The following CFAP74 variants were observed in gnomAD, a reference collection of about 807,000 sequenced individuals.
CFAP74 encodes the protein cilia and flagella associated protein 74, also known as cilia- and flagella-associated protein 74.
Under a neutral mutation model 188.9 loss-of-function variants are expected in CFAP74, and 124 were observed. The observed-to-expected ratio is 0.66, with a 90% CI of 0.57 to 0.76. The LOEUF is 0.76. CFAP74 is among the 30% of genes least tolerant of loss of function. CFAP74 has a pLI of 0.00. For synonymous variants in CFAP74, 956 were observed against 916.7 expected, an observed-to-expected ratio of 1.04 and a Z score of -0.77; for missense variants, 2,198 against 2,165.2, an observed-to-expected ratio of 1.02 and a Z score of -0.30.
At chr1:1,999,653 C>T (rs997229130) in intron 1 of CFAP74, among the ~76,000 whole-genome samples, 1 of 151,598 alleles carries the variant, frequency 6.6e-6, no homozygotes, top group African/African-American at 2.4e-5. Context: ...CCCGTCTCTA[C>T]AAAAAATACA....
rs1374397153 is a variant in CFAP74 at position 1,959,152 on chromosome 1, C to T, written c.1819G>A (p.Val607Ile). 1.2e-6 allele frequency: 2 copies of T among 1,613,240 alleles called. No homozygotes were observed. The highest frequency in any genetic ancestry group is 2.7e-5 in the African/African-American group (2 of 74,898). The change falls in exon 16 of 39, where the codon GTT becomes ATT. Residue 607 changes from valine to isoleucine, a missense_variant. Physicochemically the swap from Val to Ile is conservative, Grantham distance 29. Coordinates refer to ENST00000682832, the MANE Select transcript of CFAP74 (RefSeq NM_001304360.2). ...SFLAQTGEFS[V>I]PLKCSTKKCS... ...TTCTTTGTTGAACATTTCAGTGGAA[C>T]TGAAAACTCGCCCGTCTGAGCCAAA...
chr1:1,964,054 G>T (rs1418044259), intron 13 of CFAP74, among the ~76,000 whole-genome samples, 187 bp from the exon 14 acceptor site: 2 of 152,220 alleles, frequency 1.3e-5, no homozygotes. Context: ...GGACAGGTCT[G>T]GGGGTGGAAC....
At position 1,927,730 on chromosome 1, in the gene CFAP74, G is replaced by C; in HGVS notation, c.3404C>G (p.Ala1135Gly). 6.5e-7 allele frequency: 1 copy of C among 1,550,014 alleles called. No individual in the cohort carries two copies. Among genetic ancestry groups the C allele is most frequent in the Non-Finnish European group, 8.7e-7 (1 of 1,146,722 alleles). ...TCCATGCAGGTCCTTCCTCTGGGGG[G>C]CCATATTCTTTCGGAACTGTGGGGG... ...METKSFRKNM[A>G]PQRKDLHGLS... is the part of the protein sequence containing the mutation. The change falls in exon 28 of 39, where the codon GCC (alanine) becomes GGC (glycine). Residue 1135 changes from alanine to glycine, a missense_variant. Ala to Gly is a moderately conservative substitution (Grantham distance 60). Transcript: ENST00000682832.
intron 18 of CFAP74, chr1:1,955,139 A>C (rs770563802): frequency 9.8e-6 from 12 of 1,225,502 alleles, no homozygotes; most frequent in Non-Finnish European, 1.3e-5. Context: ...GGGCGTGCGG[A>C]ACGCGCACCA....
At chr1:1,992,535 G>A (rs34136289) in intron 1 of CFAP74, among the ~76,000 whole-genome samples, 10,635 of 151,302 alleles carry the variant, frequency 0.07, 880 homozygotes, top group African/African-American at 0.19. Flanking sequence ...GTGCAGTGGC[G>A]GGATCTTGGC....
chr1:1,932,092 A>AAAAC (rs1436755395), intron 25 of CFAP74, among the ~76,000 whole-genome samples: 1 of 140,866 alleles, frequency 7.1e-6, no homozygotes, highest in Admixed American at 7.3e-5. Flanking sequence ...AAAAACAAAA[A>AAAAC]ACAAAAAACT....
In CFAP74 at chr1:1,973,091, G is replaced by A. The variant is rs1246990478; in HGVS notation, c.675-44C>T. 16 of 1,410,632 alleles carry A rather than the reference G, an allele frequency of 1.1e-5. No individual in the cohort carries two copies. The highest frequency in any genetic ancestry group is 4.7e-5 in the South Asian group (4 of 84,636). The allele number at this position is 1,410,632 out of a possible 1,614,324, so 87.4% of individuals were successfully genotyped here. A position where few individuals can be genotyped will look rare whatever the true frequency, so the allele number is the denominator to read the frequency against. ...GTCAGAGGGAAACTCGGCATCACAC[G>A]TCCCATCTGCCCCCAAGCCCTGCAC... is the stretch of plus-strand genomic sequence containing the variant. On this transcript the variant is annotated intron_variant, in intron 7 of 38. Coordinates refer to ENST00000682832, the MANE Select transcript of CFAP74 (RefSeq NM_001304360.2). This position sits in a 1 kb window ranked among gnomAD's most constrained non-coding sequence, Gnocchi z 6.2.
intron 25 of CFAP74, among the ~76,000 whole-genome samples, chr1:1,932,312 G>A (rs1256720129): frequency 6.6e-6 from 1 of 150,914 alleles, no homozygotes; most frequent in African/African-American, 2.4e-5. Flanking sequence ...CAGGAGAATG[G>A]CGTGAACCCA....
At chr1:1,986,867 T>C in intron 5 of CFAP74, 70 bp downstream of exon 5, 2 of 1,338,816 alleles carry the variant, frequency 1.5e-6, no homozygotes, top group Admixed American at 3.5e-5. Context: ...CGCCTCACTT[T>C]GGGTGAACCA....
At chr1:1,940,543 C>T in intron 22 of CFAP74, 140 bp from the exon 23 acceptor site, 1 of 612,352 alleles carries the variant, frequency 1.6e-6, no homozygotes, top group South Asian at 2.1e-5. Flanking sequence ...ACGCATCGCG[C>T]CGCCCTCCTG....
At chr1:1,959,066 G>A (rs1010892272) in intron 16 of CFAP74, 54 bp downstream of exon 16, 76 of 1,292,278 alleles carry the variant, frequency 5.9e-5, no homozygotes, top group Middle Eastern at 5.5e-4. Flanking sequence ...CCCCCACTGG[G>A]GTTCCCAGCC....
chr1:1,948,412 A>AAT lies in CFAP74; in HGVS notation c.2177-1360_2177-1359dup, dbSNP rs56005703. Among the ~76,000 whole-genome samples, 145 of 144,302 alleles carry AAT rather than the reference A, an allele frequency of 1.0e-3. 2 individuals carry two copies. Among genetic ancestry groups the AAT allele is most frequent in the South Asian group, 7.5e-3 (35 of 4,660 alleles). The allele number at this position is 144,302 out of a possible 152,430, so 94.7% of individuals were successfully genotyped here. A position where few individuals can be genotyped will look rare whatever the true frequency, so the allele number is the denominator to read the frequency against. On this transcript the variant is annotated intron_variant, in intron 18 of 38. Coordinates refer to ENST00000682832, the MANE Select transcript of CFAP74 (RefSeq NM_001304360.2). Reference sequence around the variant, plus strand: ...CATGCAGCCATGCTTGGCATATATAAATATATATATATATATTTATGTGTA... The same window carrying AAT: ...CATGCAGCCATGCTTGGCATATATAAATATATATATATATATATTTATGTGTA...
In CFAP74 at chr1:1,926,090, C is replaced by T. The variant is rs1450719602; in HGVS notation, c.3948+138G>A. 3 of 1,413,610 alleles carry T rather than the reference C, an allele frequency of 2.1e-6. No homozygotes were observed. The East Asian group carries it at 7.5e-5, about 35-fold the overall frequency. 87.6% of individuals were successfully genotyped at this position (1,413,610 alleles called of 1,614,324 possible). On this transcript the variant is annotated intron_variant, in intron 32 of 38. Transcript: ENST00000682832. ...GCTCACTTGGCGGCTGGTGTGAGGG[C>T]CTGGGGGCCAGGCTGCTCGCAGACC...
chr1:1,967,551 G>T (rs1346912278), intron 11 of CFAP74, among the ~76,000 whole-genome samples: 3 of 152,122 alleles, frequency 2.0e-5, no homozygotes, highest in African/African-American at 7.2e-5. Context: ...GTGAGGGGTG[G>T]ATGGGGCAAA....
chr1:1,982,685 C>T (rs35662093), intron 6 of CFAP74, among the ~76,000 whole-genome samples: 8,696 of 152,308 alleles, frequency 0.057, 372 homozygotes, highest in South Asian at 0.16. Flanking sequence ...CGGCAGCAGC[C>T]GGGCCCACAG....
intron 2 of CFAP74, among the ~76,000 whole-genome samples, chr1:1,990,156 A>G (rs1657485385): frequency 6.6e-6 from 1 of 152,224 alleles, no homozygotes; most frequent in African/African-American, 2.4e-5. Flanking sequence ...AAGTATGGAA[A>G]GATACAGGCA....
chr1:1,969,751 G>A lies in CFAP74; in HGVS notation c.1046+908C>T, dbSNP rs984415941. Reference sequence around the variant, plus strand: ...TGATGGGTGGTGGAGAACTCTGATCGTGACTCAGGGGGGTGGGGAGGACGC... The same window carrying A: ...TGATGGGTGGTGGAGAACTCTGATCATGACTCAGGGGGGTGGGGAGGACGC... On this transcript the variant is annotated intron_variant, in intron 10 of 38. Coordinates refer to ENST00000682832, the MANE Select transcript of CFAP74 (RefSeq NM_001304360.2). Among the ~76,000 whole-genome samples, 4 of 152,200 alleles carry A rather than the reference G, an allele frequency of 2.6e-5. No homozygotes were observed. The South Asian group carries it at 6.2e-4, about 24-fold the overall frequency.
At chr1:1,999,467 T>C (rs1658089895) in intron 1 of CFAP74, among the ~76,000 whole-genome samples, 1 of 152,078 alleles carries the variant, frequency 6.6e-6, no homozygotes, top group African/African-American at 2.4e-5. Context: ...AATAAAACGC[T>C]AAAGACATTA....
At chr1:1,954,894 G>T (rs927467088) in intron 18 of CFAP74, 8 of 1,159,142 alleles carry the variant, frequency 6.9e-6, no homozygotes, top group Non-Finnish European at 7.5e-6. Flanking sequence ...CAGGCCAAGG[G>T]GCAGTGCAGA....
Sources: gnomAD v4.1 joint callset for allele counts (sites outside exome capture counted in the v4.1 genomes callset) on GRCh38, gnomAD v4.1.1 for gene constraint, Gnocchi (gnomAD v3.1) non-coding constraint, MANE v1.5 for transcripts, NCBI Gene and HGNC (gene_info 2026-07-23, HGNC 2026-07-21) for gene names.